ARHGEF18: variants seen among roughly 807,000 people sequenced by gnomAD.
ARHGEF18 encodes rho guanine nucleotide exchange factor 18.
Under a neutral mutation model 155.7 loss-of-function variants are expected in ARHGEF18, and 93 were observed. The observed-to-expected ratio is 0.60, with a 90% CI of 0.50 to 0.71. ARHGEF18 has a LOEUF of 0.71. Among genes scored for constraint, ARHGEF18 ranks in the 30% least tolerant of loss-of-function variants. The pLI, the probability that ARHGEF18 is intolerant of heterozygous loss-of-function variation, is 0.00. For missense variants in ARHGEF18, 1,593 were observed against 1,816.1 expected (o/e 0.88, Z 2.23); for synonymous variants, 742 against 753.1 (o/e 0.99, Z 0.24).
chr19:7,409,764 CTTTCT>C (rs1275769957), intron 10 of ARHGEF18, among the ~76,000 whole-genome samples: 2 of 66,492 alleles, frequency 3.0e-5, no homozygotes, highest in South Asian at 6.9e-4. Context: ...TTCTTTCTTT[CTTTCT>C]TTTTTTTTTT....
chr19:7,356,641 G>C (rs975942292), intron 1 of ARHGEF18, among the ~76,000 whole-genome samples: 1 of 152,120 alleles, frequency 6.6e-6, no homozygotes, highest in African/African-American at 2.4e-5. Flanking sequence ...GTCCTGGTAC[G>C]TAGGGCATGA....
At chr19:7,452,041 T>G (rs1489859585) in intron 16 of ARHGEF18, among the ~76,000 whole-genome samples, 3 of 152,088 alleles carry the variant, frequency 2.0e-5, no homozygotes, top group Non-Finnish European at 2.9e-5. Context: ...CTGGGGCTTT[T>G]GATACAAGAA....
At chr19:7,382,929 C>T (rs1970814497) in intron 9 of ARHGEF18, 35 bp downstream of exon 9, 2 of 1,232,164 alleles carry the variant, frequency 1.6e-6, no homozygotes, top group South Asian at 4.1e-5. Context: ...CCCTCCTCTG[C>T]CTTCCCCAGC....
rs1970828485 is a variant in ARHGEF18 at position 7,383,171 on chromosome 19, G to A, written c.935G>A (p.Cys312Tyr). 2 of 1,232,268 alleles carry A rather than the reference G, an allele frequency of 1.6e-6. No individual in the cohort carries two copies. Among genetic ancestry groups the A allele is most frequent in the African/African-American group, 1.5e-5 (1 of 64,532 alleles). The allele number at this position is 1,232,268 out of a possible 1,614,324, so 76.3% of individuals were successfully genotyped here. A position where few individuals can be genotyped will look rare whatever the true frequency, so the allele number is the denominator to read the frequency against. ...GGGACCTTCTCCGGCCCCTCCAGCT[G>A]CCCCCTGTGTGGCAAACCTTTCTTG... Reference protein sequence around the residue: ...LQGTFSGPSSCPLCGKPFLSS... With the variant: ...LQGTFSGPSSYPLCGKPFLSS... The change falls in exon 10 of 29, where the codon TGC (cysteine) becomes TAC (tyrosine). Residue 312 changes from cysteine (C) to tyrosine (Y), a missense_variant. By Grantham distance (194) the Cys-to-Tyr change is radical (BLOSUM62 -2). Coordinates refer to ENST00000668164, the MANE Select transcript of ARHGEF18 (RefSeq NM_001367823.1).
rs980815601 is a variant in ARHGEF18, at chr19:7,397,601, C to T, written c.967+14398C>T. 3.3e-5 allele frequency among the ~76,000 whole-genome samples: 5 copies of T among 152,032 alleles called. 1 individual carries two copies. The highest frequency in any genetic ancestry group is 1.2e-4 in the African/African-American group (5 of 41,460). ...ACAAAAAATTAGCTGGGCATGATGG[C>T]GTGTGCCTGTAGTCCCAGCTAGTCA... On this transcript the variant is annotated intron_variant, in intron 10 of 28. Transcript: ENST00000668164.
At position 7,428,186 on chromosome 19, in the gene ARHGEF18, T is replaced by C. The variant is rs141747853; in HGVS notation, c.968-12158T>C. Among the ~76,000 whole-genome samples the C allele has an allele frequency of 3.3e-3, 496 of 152,320 alleles. 4 individuals are homozygous for C. The Middle Eastern group carries it at 0.037, about 11-fold the overall frequency. Reference sequence around the variant, plus strand: ...TGAATGGGGGTGGGTGGTAGCTAAGTCGAAGAGTCATACAATTCCACTTAA... The same window carrying C: ...TGAATGGGGGTGGGTGGTAGCTAAGCCGAAGAGTCATACAATTCCACTTAA... On this transcript the variant is annotated intron_variant, in intron 10 of 28. Transcript: ENST00000668164.
At chr19:7,473,655 C>T (rs1217685358), downstream of ARHGEF18, among the ~76,000 whole-genome samples, 1 of 151,986 alleles carries the variant, frequency 6.6e-6, no homozygotes, top group African/African-American at 2.4e-5. Flanking sequence ...ACTAAAAATA[C>T]AGAAATTAGC....
the ARHGEF18 span, chr19:7,478,265 G>A: frequency 3.8e-6 from 6 of 1,584,232 alleles, no homozygotes; most frequent in East Asian, 4.5e-5. Flanking sequence ...GGGATCCCAC[G>A]CCTGCTGGAG....
intron 10 of ARHGEF18, among the ~76,000 whole-genome samples, chr19:7,388,838 T>C (rs1479845083): frequency 6.6e-6 from 1 of 151,790 alleles, no homozygotes; most frequent in East Asian, 1.9e-4. Flanking sequence ...CCCTCAGCCT[T>C]CCAAAATGCT....
chr19:7,380,595 G>A lies in ARHGEF18; in HGVS notation c.645-322G>A, dbSNP rs1275490501. Reference sequence around the variant, plus strand: ...GCTACTCAGGAGACTGAGGCGGGAGGATTGCTCAAGCCCCGGAGGTCGAGG... The same window carrying A: ...GCTACTCAGGAGACTGAGGCGGGAGAATTGCTCAAGCCCCGGAGGTCGAGG... On this transcript the variant is annotated intron_variant, in intron 7 of 28. Transcript: ENST00000668164. 1.3e-5 allele frequency among the ~76,000 whole-genome samples: 2 copies of A among 152,054 alleles called. 1 individual carries two copies.
chr19:7,438,544 T>C (rs1974418811), intron 10 of ARHGEF18, among the ~76,000 whole-genome samples: 1 of 151,908 alleles, frequency 6.6e-6, no homozygotes, highest in African/African-American at 2.4e-5. Flanking sequence ...CCCTAGTAGC[T>C]GGTTTTACAG....
chr19:7,373,130 C>G, intron 3 of ARHGEF18, 59 bp downstream of exon 3: 2 of 1,233,322 alleles, frequency 1.6e-6, no homozygotes, highest in Non-Finnish European at 2.0e-6. Flanking sequence ...GGAAGAGGTC[C>G]AGAAGGCCAG....
intron 17 of ARHGEF18, among the ~76,000 whole-genome samples, chr19:7,455,291 A>C (rs1483605927): frequency 6.6e-6 from 1 of 152,198 alleles, no homozygotes; most frequent in Non-Finnish European, 1.5e-5. Context: ...GAAAGAGAGA[A>C]ACAAGCCAAA....
intron 24 of ARHGEF18, 38 bp from the exon 25 acceptor site, chr19:7,467,033 C>T: frequency 6.2e-7 from 1 of 1,611,120 alleles, no homozygotes; most frequent in Non-Finnish European, 8.5e-7. Flanking sequence ...GTGGCCTCAG[C>T]CCGATAACTA....
downstream of ARHGEF18, among the ~76,000 whole-genome samples, chr19:7,474,039 A>T (rs184304053): frequency 8.9e-3 from 1,238 of 138,864 alleles, 12 homozygotes; most frequent in African/African-American, 0.029. Flanking sequence ...AATGAAATTT[A>T]AAAAAAAAAG....
chr19:7,354,900 AAACT>A (rs1388733469), intron 1 of ARHGEF18, among the ~76,000 whole-genome samples: 1 of 151,950 alleles, frequency 6.6e-6, no homozygotes, highest in African/African-American at 2.4e-5. Context: ...ACCCATCTCA[AAACT>A]AACAAACAAC....
chr19:7,454,989 T>C (rs1051186211), intron 17 of ARHGEF18, among the ~76,000 whole-genome samples: 17 of 152,162 alleles, frequency 1.1e-4, no homozygotes, highest in Admixed American at 9.8e-4. Context: ...TCAAGACCCA[T>C]GTTGCAGTTC....
At chr19:7,403,529 TTTTCTTTCTTTC>T (rs374336604) in intron 10 of ARHGEF18, among the ~76,000 whole-genome samples, 1 of 148,182 alleles carries the variant, frequency 6.7e-6, no homozygotes, top group Admixed American at 6.8e-5. Flanking sequence ...AAACTTAGCT[TTTTCTTTCTTTC>T]TTTCTTTCTT....
At position 7,412,505 on chromosome 19, in the gene ARHGEF18, A is replaced by G. The variant is rs1414997253; in HGVS notation, c.968-27839A>G. On this transcript the variant is annotated intron_variant, in intron 10 of 28. Transcript: ENST00000668164. ...GCCTGTAATCCCAGCACTTTGGGAG[A>G]CGAAGGTGGGCGGATCACCTGAGGT... 2.6e-5 allele frequency among the ~76,000 whole-genome samples: 4 copies of G among 151,302 alleles called. No individual in the cohort carries two copies. The East Asian group carries it at 6.0e-4, about 23-fold the overall frequency.
Sources: allele counts gnomAD v4.1 joint callset (sites outside exome capture counted in the v4.1 genomes callset), GRCh38; gene constraint gnomAD v4.1.1; transcripts MANE v1.5; gene names NCBI Gene and HGNC (gene_info 2026-07-23, HGNC 2026-07-21).